ATRN: variants seen among roughly 807,000 people sequenced by gnomAD.
ATRN encodes attractin-2.
Under a neutral mutation model 178.7 loss-of-function variants are expected in ATRN, and 54 were observed. That is an observed-to-expected ratio of 0.30 (90% confidence interval 0.24 to 0.38). The LOEUF (loss-of-function observed/expected upper bound fraction) is 0.38, where lower values mean the gene tolerates loss of function less well. ATRN is among the 10% of genes least tolerant of loss of function. The pLI, the probability that ATRN is intolerant of heterozygous loss-of-function variation, is 1.00. For synonymous variants in ATRN, 636 were observed against 663.0 expected (o/e 0.96, Z 0.63); for missense variants, 1,443 against 1,815.1 (o/e 0.79, Z 3.73).
chr20:3,529,442 TCC>T (rs1412949486), intron 1 of ATRN, among the ~76,000 whole-genome samples: 7 of 152,212 alleles, frequency 4.6e-5, no homozygotes, highest in African/African-American at 1.7e-4. Flanking sequence ...AATCCAAGTG[TCC>T]ACCAATAAAC....
At position 3,472,383 on chromosome 20, in the gene ATRN, CAG is replaced by C. The variant is rs1003769864; in HGVS notation, c.410+869_410+870del. On this transcript the variant is annotated intron_variant, in intron 1 of 28. Transcript: ENST00000262919. ...CACATAACCCTAGTCATAAGGGTTACAGAGTCATTCACGCCTTTGACAGGTAT... is the reference window on the plus strand; with the variant it reads ...CACATAACCCTAGTCATAAGGGTTACAGTCATTCACGCCTTTGACAGGTAT... Among the ~76,000 whole-genome samples, 82 of 152,308 alleles carry C rather than the reference CAG, an allele frequency of 5.4e-4. 2 individuals carry two copies. Among genetic ancestry groups the C allele is most frequent in the African/African-American group, 1.9e-3 (77 of 41,568 alleles).
intron 1 of ATRN, among the ~76,000 whole-genome samples, chr20:3,488,728 C>T (rs1215636493): frequency 2.6e-5 from 4 of 152,106 alleles, no homozygotes; most frequent in Admixed American, 1.3e-4. Context: ...TTAGAATCAC[C>T]TTGTTCATTT....
In ATRN at chr20:3,560,753, T is replaced by C; in HGVS notation, c.1295T>C (p.Val432Ala). The C allele has an allele frequency of 6.2e-7, 1 of 1,613,970 alleles. No homozygotes were observed. Among genetic ancestry groups the C allele is most frequent in the Non-Finnish European group, 8.5e-7 (1 of 1,179,980 alleles). The change falls in exon 8 of 29, where the codon GTG (valine) becomes GCG (alanine). Residue 432 changes from valine (V) to alanine (A), a missense_variant. This residue lies in a region of ATRN where 862 missense variants were observed against 972.1 expected (regional missense o/e 0.89). Coordinates refer to ENST00000262919, the MANE Select transcript of ATRN (RefSeq NM_139321.3). Reference protein sequence around the residue: ...RVFHIHNESWVLLTPKAKEQY... With the variant: ...RVFHIHNESWALLTPKAKEQY... ...TTTCACATTCATAATGAGTCATGGG[T>C]GTTGTTGACCCCTAAGGCAAAGGAG... is the stretch of plus-strand genomic sequence containing the variant.
At chr20:3,595,917 C>T (rs1301486118) in intron 20 of ATRN, among the ~76,000 whole-genome samples, 3 of 152,048 alleles carry the variant, frequency 2.0e-5, no homozygotes, top group Non-Finnish European at 4.4e-5. Context: ...CTGGTGAACA[C>T]TTGTTCCAGG....
chr20:3,599,603 G>A (rs1429311485), intron 22 of ATRN, among the ~76,000 whole-genome samples: 1 of 152,154 alleles, frequency 6.6e-6, no homozygotes, highest in Non-Finnish European at 1.5e-5. Flanking sequence ...TTTCAACCAA[G>A]CGTGGAATGA....
chr20:3,540,878 T>C (rs2085609229), intron 3 of ATRN, among the ~76,000 whole-genome samples: 1 of 152,098 alleles, frequency 6.6e-6, no homozygotes, highest in South Asian at 2.1e-4. Context: ...ACATACTTAT[T>C]ATATATATTT....
In ATRN at chr20:3,611,795, TAACAC is replaced by T. The variant is rs1328204350; in HGVS notation, c.3801+7534_3801+7538del. ...AATGCAAATTGAAAGCACAATGAGA[TAACAC>T]TACACACTTATCAAAATGACTAAAA... On this transcript the variant is annotated intron_variant, in intron 24 of 28. Coordinates refer to ENST00000262919, the MANE Select transcript of ATRN (RefSeq NM_139321.3). Among the ~76,000 whole-genome samples the T allele has an allele frequency of 2.0e-5, 3 of 152,148 alleles. No individual in the cohort carries two copies. The East Asian group carries it at 5.8e-4, about 29-fold the overall frequency.
intron 12 of ATRN, among the ~76,000 whole-genome samples, chr20:3,574,390 C>T (rs117138306): frequency 0.038 from 5,813 of 152,228 alleles, 146 homozygotes; most frequent in Non-Finnish European, 0.056. Context: ...TGGTGGTGCA[C>T]GCCTATAGTC....
chr20:3,480,467 A>G (rs1313938222), intron 1 of ATRN, among the ~76,000 whole-genome samples: 2 of 152,224 alleles, frequency 1.3e-5, no homozygotes, highest in African/African-American at 2.4e-5. Flanking sequence ...CGGAGACCTG[A>G]TAACTTTCTG....
At chr20:3,584,198 C>A in intron 17 of ATRN, 115 bp downstream of exon 17, 1 of 1,178,500 alleles carries the variant, frequency 8.5e-7, no homozygotes, top group Non-Finnish European at 1.2e-6. Flanking sequence ...CTGGACATGA[C>A]CTCTGCTCAA....
intron 1 of ATRN, among the ~76,000 whole-genome samples, chr20:3,522,569 G>T (rs2085309985): frequency 6.6e-6 from 1 of 152,206 alleles, no homozygotes; most frequent in Non-Finnish European, 1.5e-5. Context: ...GCTCTGCTAA[G>T]GGACAGACTG....
At chr20:3,597,569 T>C (rs2086548756) in intron 21 of ATRN, among the ~76,000 whole-genome samples, 1 of 152,224 alleles carries the variant, frequency 6.6e-6, no homozygotes, top group South Asian at 2.1e-4. Flanking sequence ...GTACATCTTT[T>C]TGGTTAAACA....
In ATRN at chr20:3,508,217, AAAGC is replaced by A. The variant is rs1249076951; in HGVS notation, c.411-27032_411-27029del. Among the ~76,000 whole-genome samples, 13 of 152,108 alleles carry A rather than the reference AAAGC, an allele frequency of 8.5e-5. No individual in the cohort carries two copies. In the South Asian group the frequency reaches 2.5e-3, roughly 29 times the overall value. On this transcript the variant is annotated intron_variant, in intron 1 of 28. Transcript: ENST00000262919. ...AATTTATTTTCTTATTAAAAAAAAA[AAAGC>A]AAGGACAAGACTGAAAACTACCTTC...
chr20:3,634,234 C>G, intron 25 of ATRN, 77 bp from the exon 26 acceptor site: 2 of 1,382,146 alleles, frequency 1.4e-6, no homozygotes, highest in Non-Finnish European at 1.0e-6. Flanking sequence ...TTTTCACTGC[C>G]TGGCCTGAGG....
In ATRN at chr20:3,484,908, A is replaced by AAAT. The variant is rs967698122; in HGVS notation, c.410+13392_410+13394dup. Among the ~76,000 whole-genome samples the AAAT allele has an allele frequency of 2.1e-4, 27 of 127,792 alleles. No homozygotes were observed. The East Asian group carries it at 5.4e-3, about 26-fold the overall frequency. 83.8% of individuals were successfully genotyped at this position (127,792 alleles called of 152,430 possible). A position where few individuals can be genotyped will look rare whatever the true frequency, so the allele number is the denominator to read the frequency against. ...CTATAGTACCTAGGAATGGATTTTA[A>AAAT]AATTATTATTATTATTATTATTATT... is the stretch of plus-strand genomic sequence containing the variant. On this transcript the variant is annotated intron_variant, in intron 1 of 28. Coordinates refer to ENST00000262919, the MANE Select transcript of ATRN (RefSeq NM_139321.3).
intron 19 of ATRN, chr20:3,592,477 C>T: frequency 2.0e-6 from 2 of 982,974 alleles, no homozygotes; most frequent in Non-Finnish European, 2.4e-6. Flanking sequence ...AGCAATAGGA[C>T]ATTTTATTAT....
At chr20:3,522,918 A>G (rs1430086565) in intron 1 of ATRN, among the ~76,000 whole-genome samples, 1 of 152,192 alleles carries the variant, frequency 6.6e-6, no homozygotes, top group African/African-American at 2.4e-5. Flanking sequence ...GGTCACCAAC[A>G]TCAAAGACCA....
intron 22 of ATRN, among the ~76,000 whole-genome samples, chr20:3,598,845 T>G (rs2086567577): frequency 6.6e-6 from 1 of 152,208 alleles, no homozygotes; most frequent in Non-Finnish European, 1.5e-5. Flanking sequence ...CACAAAGCCA[T>G]TTACCATTAC....
chr20:3,484,480 C>T (rs562650508), intron 1 of ATRN, among the ~76,000 whole-genome samples: 126 of 152,170 alleles, frequency 8.3e-4, no homozygotes, highest in Non-Finnish European at 1.1e-3. Context: ...GTTATATTGA[C>T]CTAATTTAAT....
Sources: gnomAD v4.1 joint callset for allele counts (sites outside exome capture counted in the v4.1 genomes callset) on GRCh38, gnomAD v4.1.1 for gene constraint, gnomAD v4.1.1 regional missense constraint, MANE v1.5 for transcripts, NCBI Gene and HGNC (gene_info 2026-07-23, HGNC 2026-07-21) for gene names.